The following MRTFB variants were observed in gnomAD, a reference collection of about 807,000 sequenced individuals.
MRTFB encodes the protein myocardin related transcription factor B.
MRTFB carries 29 observed loss-of-function variants against 104.2 expected under a neutral mutation model. The observed-to-expected ratio is 0.28, with a 90% confidence interval of 0.21 to 0.38. The LOEUF (loss-of-function observed/expected upper bound fraction) is 0.38. MRTFB is among the 10% of genes least tolerant of loss of function. MRTFB has a pLI of 1.00. For missense variants in MRTFB, 1,270 were observed against 1,341.6 expected, an observed-to-expected ratio of 0.95 and a Z score of 0.83; for synonymous variants, 535 against 519.5, an observed-to-expected ratio of 1.03 and a Z score of -0.41.
chr16:14,189,395 T>G (rs1484196634), intron 3 of MRTFB, among the ~76,000 whole-genome samples: 3 of 152,204 alleles, frequency 2.0e-5, no homozygotes, highest in Non-Finnish European at 4.4e-5. Flanking sequence ...GGGTCCTGCA[T>G]CGTTTACATG....
At chr16:14,000,609 A>G in the MRTFB span, among the ~76,000 whole-genome samples, 7 of 152,200 alleles carry the variant, frequency 4.6e-5, no homozygotes, top group Non-Finnish European at 1.0e-4. Flanking sequence ...ATCAGGAGTA[A>G]AAGCAGTTTG....
At chr16:14,028,206 C>CAAAACAAAACAA in the MRTFB span, among the ~76,000 whole-genome samples, 73 of 151,312 alleles carry the variant, frequency 4.8e-4, no homozygotes, top group East Asian at 2.9e-3. Flanking sequence ...AAACACAACA[C>CAAAACAAAACAA]AACAAAACAA....
intron 15 of MRTFB, 151 bp downstream of exon 15, chr16:14,252,653 T>C (rs967637122): frequency 2.7e-5 from 27 of 996,884 alleles, no homozygotes; most frequent in Middle Eastern, 3.3e-4. Flanking sequence ...TTATTTAAAA[T>C]CAAAATGTCA....
In MRTFB at chr16:14,264,701, A is replaced by G. The variant is rs2043886592; in HGVS notation, c.*3257A>G. 6.6e-6 allele frequency: 1 copy of G among 152,238 alleles called. No individual in the cohort carries two copies. Among genetic ancestry groups the G allele is most frequent in the Non-Finnish European group, 1.5e-5 (1 of 68,048 alleles). 9.4% of individuals were successfully genotyped at this position (152,238 alleles called of 1,614,324 possible). ...TTGGCTTTCAGTGCTGTTTAGAAAC[A>G]GTGGCAAAGGCAGGGTGGTGCTGCC... On this transcript the variant is annotated 3_prime_UTR_variant, in exon 17 of 17. Coordinates refer to ENST00000571589, the MANE Select transcript of MRTFB (RefSeq NM_001308142.2).
the MRTFB span, among the ~76,000 whole-genome samples, chr16:14,001,486 G>A: frequency 3.3e-4 from 50 of 152,302 alleles, no homozygotes; most frequent in East Asian, 6.7e-3. Flanking sequence ...CCAAAGCAAC[G>A]AAGACAAGCG....
At chr16:14,110,204 A>G (rs1447111321) in intron 2 of MRTFB, among the ~76,000 whole-genome samples, 1 of 152,254 alleles carries the variant, frequency 6.6e-6, no homozygotes, top group Non-Finnish European at 1.5e-5. Context: ...GGGTAAAGCC[A>G]GACCAGCAGC....
the MRTFB span, chr16:14,018,794 A>G: frequency 2.6e-5 from 4 of 152,144 alleles, no homozygotes; most frequent in African/African-American, 9.7e-5. Flanking sequence ...AATGAAAGCT[A>G]GACCAAAGAA....
chr16:14,056,435 G>T, the MRTFB span, among the ~76,000 whole-genome samples: 3 of 151,662 alleles, frequency 2.0e-5, no homozygotes, highest in Non-Finnish European at 2.9e-5. Flanking sequence ...CCATTAGTTT[G>T]TTGCTCAAAT....
intron 15 of MRTFB, among the ~76,000 whole-genome samples, chr16:14,256,191 T>TAAAAAAA (rs2043480869): frequency 6.7e-5 from 3 of 44,948 alleles, no homozygotes; most frequent in African/African-American, 1.6e-4. Context: ...AAAAACAGGA[T>TAAAAAAA]AACAAAAAAA....
chr16:14,249,647 G>A (rs1414214623), intron 13 of MRTFB, among the ~76,000 whole-genome samples: 1 of 152,148 alleles, frequency 6.6e-6, no homozygotes, highest in Non-Finnish European at 1.5e-5. Context: ...AATGAAGTTG[G>A]TGGTCTAGGA....
In MRTFB at chr16:14,240,499, A is replaced by G. The variant is rs749177352; in HGVS notation, c.1079+15A>G. 2 of 1,614,210 alleles carry G rather than the reference A, an allele frequency of 1.2e-6. No homozygotes were observed. The highest frequency in any genetic ancestry group is 1.7e-6 in the Non-Finnish European group (2 of 1,180,032). On this transcript the variant is annotated intron_variant, in intron 10 of 16. Coordinates refer to ENST00000571589, the MANE Select transcript of MRTFB (RefSeq NM_001308142.2). Reference sequence around the variant, plus strand: ...GCACCATTCAAGTACGGCGGGGCCCATGCTATCCTCAACGCGGGGTTTTCT... The same window carrying G: ...GCACCATTCAAGTACGGCGGGGCCCGTGCTATCCTCAACGCGGGGTTTTCT...
chr16:14,118,767 A>ATG (rs1344408555), intron 2 of MRTFB, among the ~76,000 whole-genome samples: 1 of 151,928 alleles, frequency 6.6e-6, no homozygotes, highest in Admixed American at 6.6e-5. Context: ...ACATATATAT[A>ATG]TAAACTATAT....
intron 2 of MRTFB, among the ~76,000 whole-genome samples, chr16:14,081,497 T>A (rs2034400042): frequency 3.9e-5 from 6 of 152,208 alleles, no homozygotes. Context: ...TTCACCGTGT[T>A]GGCCAGGCTC....
chr16:14,054,083 T>C, the MRTFB span, among the ~76,000 whole-genome samples: 2 of 152,174 alleles, frequency 1.3e-5, no homozygotes, highest in Admixed American at 6.5e-5. Context: ...TTCATGGTGA[T>C]CTGTGCCACT....
In MRTFB at chr16:14,265,091, T is replaced by TCC. The variant is rs1298797199; in HGVS notation, c.*3648_*3649dup. The TCC allele has an allele frequency of 1.3e-5, 2 of 152,212 alleles. No homozygotes were observed. The highest frequency in any genetic ancestry group is 6.5e-5 in the Admixed American group (1 of 15,274). 9.4% of individuals were successfully genotyped at this position (152,212 alleles called of 1,614,324 possible). On this transcript the variant is annotated 3_prime_UTR_variant, in exon 17 of 17. Transcript: ENST00000571589. ...ATTTCAGTATACATCCTCACTGGCT[T>TCC]CCATGCACCCACCTGACGGTAGCCT... is the stretch of plus-strand genomic sequence containing the variant.
At chr16:14,200,394 T>C (rs779760077) in intron 3 of MRTFB, 16 of 1,607,720 alleles carry the variant, frequency 1.0e-5, no homozygotes, top group African/African-American at 1.3e-5. Context: ...ACTAAAGATG[T>C]TTCACTGTTT....
chr16:14,235,124 C>T (rs1451158592), intron 9 of MRTFB, among the ~76,000 whole-genome samples: 1 of 152,194 alleles, frequency 6.6e-6, no homozygotes, highest in Non-Finnish European at 1.5e-5. Context: ...CCTCCCCAAC[C>T]TGTTGCAGAA....
chr16:14,161,242 C>T (rs2039026522), intron 3 of MRTFB, among the ~76,000 whole-genome samples: 1 of 151,906 alleles, frequency 6.6e-6, no homozygotes, highest in South Asian at 2.1e-4. Context: ...CTTACATTTC[C>T]AGATACGAAG....
At position 14,240,924 on chromosome 16, in the gene MRTFB, C is replaced by G. The variant is rs551916829; in HGVS notation, c.1079+440C>G. The G allele has an allele frequency of 5.6e-5, 34 of 609,396 alleles. 1 individual carries two copies. In the South Asian group the frequency reaches 6.9e-4, roughly 12 times the overall value. The allele number at this position is 609,396 out of a possible 1,614,324, so 37.7% of individuals were successfully genotyped here. On this transcript the variant is annotated intron_variant, in intron 10 of 16. Transcript: ENST00000571589. Reference sequence around the variant, plus strand: ...ATAGAAGGCTCGAGAAGGGCCTTTCCAGGCACAGGGGAATGCTGTGAGCAC... The same window carrying G: ...ATAGAAGGCTCGAGAAGGGCCTTTCGAGGCACAGGGGAATGCTGTGAGCAC...
Sources: allele counts gnomAD v4.1 joint callset (sites outside exome capture counted in the v4.1 genomes callset), GRCh38; gene constraint gnomAD v4.1.1; transcripts MANE v1.5; gene names NCBI Gene and HGNC (gene_info 2026-07-23, HGNC 2026-07-21).